Variants in ABLIM1 observed in about 807,000 individuals in gnomAD.
The protein encoded by ABLIM1 is actin binding LIM protein 1, also known as actin-binding LIM protein 1.
A neutral mutation model predicts 107.0 loss-of-function variants in ABLIM1; 40 were observed. The ratio of observed to expected loss-of-function variants is 0.37; its 90% CI spans 0.29 to 0.49. The LOEUF (loss-of-function observed/expected upper bound fraction) is 0.49. Among genes scored for constraint, ABLIM1 ranks in the 20% least tolerant of loss-of-function variants. The pLI is 0.97. For missense variants in ABLIM1, 857 were observed against 1,008.5 expected, an observed-to-expected ratio of 0.85 and a Z score of 2.04; for synonymous variants, 357 against 357.3, an observed-to-expected ratio of 1.00 and a Z score of 0.01.
In ABLIM1 at chr10:114,589,212, TG is replaced by T. The variant is rs1478659010; in HGVS notation, c.379+12614del. ...GCGTGTGTGTGTCTGTGTGTGTGTG[TG>T]TGTGTTTTTTTTTTTTTTTAAGAGA... On this transcript the variant is annotated intron_variant, in intron 2 of 22. Transcript: ENST00000533213. 6.1e-5 allele frequency among the ~76,000 whole-genome samples: 9 copies of T among 148,168 alleles called. No homozygotes were observed. The East Asian group carries it at 1.6e-3, about 26-fold the overall frequency.
intron 2 of ABLIM1, among the ~76,000 whole-genome samples, chr10:114,580,596 G>A (rs1022404032): frequency 6.6e-6 from 1 of 152,122 alleles, no homozygotes; most frequent in African/African-American, 2.4e-5. Flanking sequence ...TTTGATACAT[G>A]CTCATTCCAG....
In ABLIM1 at chr10:114,669,943, G is replaced by C. The variant is rs77322039; in HGVS notation, c.64+14347C>G. ...GGGAAGAAAAGGCAGCCTCAAAATA[G>C]AGAACAGAGCAAATGGTAATGCCTA... is the stretch of plus-strand genomic sequence containing the variant. On this transcript the variant is annotated intron_variant, in intron 1 of 23. Transcript: ENST00000369256. Among the ~76,000 whole-genome samples, 1,205 of 152,276 alleles carry C rather than the reference G, an allele frequency of 7.9e-3. 46 individuals are homozygous for C. Among genetic ancestry groups the C allele is most frequent in the East Asian group, 0.058 (303 of 5,184 alleles).
intron 10 of ABLIM1, among the ~76,000 whole-genome samples, chr10:114,469,055 A>C (rs2133815346): frequency 6.7e-6 from 1 of 150,084 alleles, no homozygotes; most frequent in East Asian, 1.9e-4. Context: ...CTGTCTCAAA[A>C]AAAAAAAAAA....
chr10:114,590,512 C>T (rs1204919221), intron 2 of ABLIM1, among the ~76,000 whole-genome samples: 1 of 152,170 alleles, frequency 6.6e-6, no homozygotes, highest in African/African-American at 2.4e-5. Flanking sequence ...CATAGTATTT[C>T]CTGATACTTG....
At chr10:114,747,363 G>A (rs531513620) in intron 1 of ABLIM1, among the ~76,000 whole-genome samples, 3 of 152,284 alleles carry the variant, frequency 2.0e-5, no homozygotes, top group East Asian at 3.9e-4. Context: ...GGCAGCCATG[G>A]CCAAGCTGTA....
At chr10:114,706,885 T>A (rs572014311) in intron 1 of ABLIM1, among the ~76,000 whole-genome samples, 2 of 151,876 alleles carry the variant, frequency 1.3e-5, no homozygotes, top group African/African-American at 4.8e-5. Context: ...CCCTGCCCAG[T>A]CCTAAAGAAC....
intron 1 of ABLIM1, among the ~76,000 whole-genome samples, chr10:114,682,506 T>C (rs2080790203): frequency 1.3e-5 from 2 of 152,230 alleles, no homozygotes; most frequent in Non-Finnish European, 2.9e-5. Context: ...TAATTAAAAG[T>C]ATTGCCCATA....
At chr10:114,674,852 A>G (rs1018563663) in intron 1 of ABLIM1, among the ~76,000 whole-genome samples, 4 of 152,074 alleles carry the variant, frequency 2.6e-5, no homozygotes, top group Non-Finnish European at 5.9e-5. Context: ...TTTCTTCTTC[A>G]TAAAGATGGA....
the ABLIM1 span, among the ~76,000 whole-genome samples, chr10:114,798,564 C>CCT: frequency 6.7e-5 from 10 of 149,072 alleles, no homozygotes; most frequent in South Asian, 6.7e-4. Context: ...AGACCCCCCC[C>CCT]CCATGTCTAC....
chr10:114,653,783 C>A (rs1013691688), intron 1 of ABLIM1, among the ~76,000 whole-genome samples: 1 of 152,112 alleles, frequency 6.6e-6, no homozygotes. Context: ...TATATTTTTG[C>A]GGAAGCTATT....
At chr10:114,641,247 TAAA>T (rs35168530) in intron 1 of ABLIM1, among the ~76,000 whole-genome samples, 411 of 37,020 alleles carry the variant, frequency 0.011, 4 homozygotes, top group African/African-American at 0.032. Context: ...AAGCCAATCA[TAAA>T]AAAAAAAAAA....
chr10:114,674,485 T>C (rs1015404930), intron 1 of ABLIM1, among the ~76,000 whole-genome samples: 1 of 152,014 alleles, frequency 6.6e-6, no homozygotes, highest in African/African-American at 2.4e-5. Flanking sequence ...GCAGTCAGAG[T>C]TGGGTTCAAG....
At chr10:114,437,400 C>T (rs2059576506) in intron 22 of ABLIM1, among the ~76,000 whole-genome samples, 1 of 150,974 alleles carries the variant, frequency 6.6e-6, no homozygotes, top group African/African-American at 2.4e-5. Context: ...CTCATTGCAA[C>T]CTCCACCTCC....
At chr10:114,475,225 C>T (rs753104450) in intron 8 of ABLIM1, among the ~76,000 whole-genome samples, 19 of 152,148 alleles carry the variant, frequency 1.2e-4, no homozygotes, top group Admixed American at 5.2e-4. Flanking sequence ...TTCTCATCCT[C>T]GCTTACTGCT....
At chr10:114,675,453 C>T (rs2080438866) in intron 1 of ABLIM1, among the ~76,000 whole-genome samples, 1 of 152,150 alleles carries the variant, frequency 6.6e-6, no homozygotes, top group South Asian at 2.1e-4. Context: ...TGCCTGCCTC[C>T]ATGTAAGAGG....
At chr10:114,586,596 AC>A (rs1222979736) in intron 2 of ABLIM1, among the ~76,000 whole-genome samples, 1 of 152,214 alleles carries the variant, frequency 6.6e-6, no homozygotes, top group Non-Finnish European at 1.5e-5. Context: ...TTTTACATGT[AC>A]TAAGAGATGT....
intron 1 of ABLIM1, chr10:114,690,352 T>C (rs1180766755): frequency 6.2e-7 from 1 of 1,604,762 alleles, no homozygotes; most frequent in Non-Finnish European, 8.5e-7. Context: ...ATGGACAAGA[T>C]GCCAGGACCT....
At chr10:114,597,318 A>G (rs2075517191) in intron 2 of ABLIM1, among the ~76,000 whole-genome samples, 1 of 152,154 alleles carries the variant, frequency 6.6e-6, no homozygotes, top group Non-Finnish European at 1.5e-5. Flanking sequence ...GGGTCTTTGG[A>G]GAGAGAAGCA....
chr10:114,713,846 G>A (rs550185533), intron 1 of ABLIM1, among the ~76,000 whole-genome samples: 4 of 152,258 alleles, frequency 2.6e-5, no homozygotes, highest in Non-Finnish European at 4.4e-5. Flanking sequence ...AGAGAACATC[G>A]TGCCTCCTCA....
Sources: gnomAD v4.1 joint callset for allele counts (sites outside exome capture counted in the v4.1 genomes callset) on GRCh38, gnomAD v4.1.1 for gene constraint, MANE v1.5 for transcripts, NCBI Gene and HGNC (gene_info 2026-07-23, HGNC 2026-07-21) for gene names.